FAM153A: variants seen among roughly 807,000 people sequenced by gnomAD.
The protein encoded by FAM153A is protein FAM153A.
Under a neutral mutation model 48.1 loss-of-function variants are expected in FAM153A, and 12 were observed. The observed-to-expected ratio is 0.25, with a 90% CI of 0.16 to 0.40. The LOEUF (loss-of-function observed/expected upper bound fraction) is 0.40, where lower values mean the gene tolerates loss of function less well. Ranked by LOEUF, FAM153A falls within the 10% of genes least tolerant of loss-of-function variation. The pLI is 1.00. For missense variants in FAM153A, 111 were observed against 345.8 expected (o/e 0.32, Z 5.38); for synonymous variants, 36 against 118.2 (o/e 0.30, Z 4.51).
intron 1 of FAM153A, among the ~76,000 whole-genome samples, chr5:177,765,875 C>T (rs1291216599): frequency 8.4e-6 from 1 of 119,374 alleles, no homozygotes; most frequent in African/African-American, 2.9e-5. Flanking sequence ...GATCTCAGCA[C>T]TTTGGGTGGT....
downstream of FAM153A, among the ~76,000 whole-genome samples, chr5:177,708,833 G>T (rs1171067319): frequency 6.6e-6 from 1 of 151,540 alleles, no homozygotes; most frequent in Non-Finnish European, 1.5e-5. Context: ...AGTGGCTCAC[G>T]CCTGTAATCC....
chr5:177,707,220 C>T (rs551912926), downstream of FAM153A, among the ~76,000 whole-genome samples: 5 of 152,068 alleles, frequency 3.3e-5, no homozygotes, highest in African/African-American at 1.2e-4. Context: ...CACCCACCAA[C>T]TGCAGAATGT....
upstream of FAM153A, among the ~76,000 whole-genome samples, chr5:177,757,433 T>C (rs1767843709): frequency 9.2e-6 from 1 of 108,348 alleles, no homozygotes; most frequent in Non-Finnish European, 1.9e-5. Flanking sequence ...TCTGAAACTA[T>C]TCCAATCAAT....
At chr5:177,734,659 T>C in intron 13 of FAM153A, among the ~76,000 whole-genome samples, 7 of 146,008 alleles carry the variant, frequency 4.8e-5, no homozygotes, top group Admixed American at 1.3e-4. Flanking sequence ...GGCTCACTGT[T>C]ACACAACAGG....
chr5:177,719,549 T>C (rs1760686128), downstream of FAM153A, among the ~76,000 whole-genome samples: 1 of 150,226 alleles, frequency 6.7e-6, no homozygotes, highest in South Asian at 2.1e-4. Flanking sequence ...TCAGTCATGG[T>C]CTAAGCTGGC....
chr5:177,728,565 G>T (rs373406759), intron 18 of FAM153A, among the ~76,000 whole-genome samples: 14,707 of 132,060 alleles, frequency 0.11, 1,023 homozygotes, highest in East Asian at 0.31. Flanking sequence ...TTTTTTTTTT[G>T]TTTGTTTTTG....
intron 1 of FAM153A, among the ~76,000 whole-genome samples, chr5:177,776,524 A>G (rs1769326649): frequency 2.7e-5 from 2 of 73,072 alleles, no homozygotes; most frequent in South Asian, 5.8e-4. Context: ...TGCTTCAAAG[A>G]GAATAAAATA....
At chr5:177,695,809 G>C in the FAM153A span, among the ~76,000 whole-genome samples, 4 of 151,526 alleles carry the variant, frequency 2.6e-5, no homozygotes, top group African/African-American at 9.8e-5. Flanking sequence ...TGGGGCGGCC[G>C]GGCAGAGGCA....
exon 24 of FAM153A, chr5:177,717,257 C>T (rs183552828): frequency 2.2e-5 from 3 of 138,786 alleles, no homozygotes; most frequent in Non-Finnish European, 4.6e-5. Flanking sequence ...CTGTTATTTT[C>T]GGGTTGAAAC....
At chr5:177,719,304 T>C (rs1283773802), downstream of FAM153A, among the ~76,000 whole-genome samples, 3 of 149,680 alleles carry the variant, frequency 2.0e-5, no homozygotes, top group Admixed American at 1.3e-4. Context: ...TATCAAAGCT[T>C]AGGGTAGGAT....
chr5:177,712,040 A>G (rs1268355900), exon 27 of FAM153A: 1 of 151,942 alleles, frequency 6.6e-6, no homozygotes, highest in Non-Finnish European at 1.5e-5. Flanking sequence ...AAATATTTGC[A>G]AAACACATGT....
chr5:177,696,227 G>C, the FAM153A span, among the ~76,000 whole-genome samples: 1 of 144,312 alleles, frequency 6.9e-6, no homozygotes, highest in Non-Finnish European at 1.5e-5. Context: ...CAGATGATGG[G>C]TGGCCGGGCA....
At chr5:177,709,093 C>CAAAAAAAAAAAAA (rs56257501), downstream of FAM153A, among the ~76,000 whole-genome samples, 2 of 34,120 alleles carry the variant, frequency 5.9e-5, no homozygotes, top group African/African-American at 1.8e-4. Flanking sequence ...GACTCCGTCT[C>CAAAAAAAAAAAAA]AAAAAAAAAA....
intron 19 of FAM153A, 96 bp downstream of exon 21, chr5:177,724,686 CAA>C (rs1233744813): frequency 1.9e-6 from 1 of 525,420 alleles, no homozygotes; most frequent in African/African-American, 2.5e-5. Context: ...AGAACAATCA[CAA>C]GAGAGGGAAA....
At position 177,727,835 on chromosome 5, in the gene FAM153A, T is replaced by C. The variant is rs1228063100; in HGVS notation, c.964+1188A>G. Among the ~76,000 whole-genome samples the C allele has an allele frequency of 6.5e-5, 5 of 76,856 alleles. 2 individuals carry two copies. Among genetic ancestry groups the C allele is most frequent in the African/African-American group, 3.0e-4 (5 of 16,898 alleles). The allele number at this position is 76,856 out of a possible 152,430, so 50.4% of individuals were successfully genotyped here. The stretch of plus-strand genomic sequence containing the variant: ...GCAGGTATCCTGCCTGATGATTATT[T>C]CATTAAATACAATAGAATATGCCAC... On this transcript the variant is annotated intron_variant, in intron 18 of 20. Coordinates refer to ENST00000614127, the Ensembl canonical transcript of FAM153A.
chr5:177,697,872 G>A, the FAM153A span, among the ~76,000 whole-genome samples: 2 of 151,406 alleles, frequency 1.3e-5, no homozygotes, highest in African/African-American at 4.9e-5. Flanking sequence ...TCTGCAGCCA[G>A]TTCCCCCTGC....
In FAM153A at chr5:177,766,681, A is replaced by G. The variant is rs1178612795; in HGVS notation, c.-57+13768T>C. Among the ~76,000 whole-genome samples the G allele has an allele frequency of 2.4e-5, 2 of 84,888 alleles. 1 individual carries two copies. The highest frequency in any genetic ancestry group is 4.8e-5 in the Non-Finnish European group (2 of 41,856). The allele number at this position is 84,888 out of a possible 152,430, so 55.7% of individuals were successfully genotyped here. On this transcript the variant is annotated intron_variant, in intron 1 of 8. Coordinates refer to the FAM153A transcript ENST00000393518. ...TTGCCCTAAAGCCTTTGATGGTAAA[A>G]TAAGATATTGGCTACCACTGAAACT...
intron 14 of FAM153A, among the ~76,000 whole-genome samples, chr5:177,734,014 A>G (rs1309379130): frequency 2.6e-4 from 30 of 114,148 alleles, no homozygotes; most frequent in Non-Finnish European, 5.0e-4. Context: ...ACAGGACTGC[A>G]ACGGTGATGG....
intron 1 of FAM153A, among the ~76,000 whole-genome samples, chr5:177,766,273 CTCTA>C (rs1319688139): frequency 2.0e-5 from 2 of 102,100 alleles, no homozygotes; most frequent in African/African-American, 6.6e-5. Flanking sequence ...GTCTCACGTT[CTCTA>C]TCTAGAGAAA....
Sources: allele counts gnomAD v4.1 joint callset (sites outside exome capture counted in the v4.1 genomes callset), GRCh38; gene constraint gnomAD v4.1.1; transcripts MANE v1.5; gene names NCBI Gene and HGNC (gene_info 2026-07-23, HGNC 2026-07-21).